Variants in PPP2R3A observed in about 807,000 individuals in gnomAD.
PPP2R3A encodes protein phosphatase 2 regulatory subunit B''alpha.
PPP2R3A carries 80 observed loss-of-function variants against 106.9 expected under a neutral mutation model. The observed-to-expected ratio is 0.75, with a 90% confidence interval of 0.62 to 0.90. PPP2R3A has a LOEUF of 0.90. Ranked by LOEUF, PPP2R3A falls within the 40% of genes least tolerant of loss-of-function variation. The pLI is 0.00. For synonymous variants in PPP2R3A, 483 were observed against 468.3 expected (o/e 1.03, Z -0.41); for missense variants, 1,386 against 1,350.4 (o/e 1.03, Z -0.41).
intron 5 of PPP2R3A, among the ~76,000 whole-genome samples, chr3:136,050,762 TC>T (rs985977565): frequency 1.3e-5 from 2 of 152,172 alleles, no homozygotes; most frequent in African/African-American, 4.8e-5. Flanking sequence ...GCTGCCATGT[TC>T]CCTTATGCTT....
chr3:136,145,551 C>G lies in PPP2R3A; in HGVS notation c.*385C>G, dbSNP rs1473032455. On this transcript the variant is annotated 3_prime_UTR_variant, in exon 14 of 14. Transcript: ENST00000264977. Reference sequence around the variant, plus strand: ...GGGCTCCTATGGAGCCTAGAAGAAACCTTCACTTGCAGAAAACTTGAGTCA... The same window carrying G: ...GGGCTCCTATGGAGCCTAGAAGAAAGCTTCACTTGCAGAAAACTTGAGTCA... The G allele has an allele frequency of 6.5e-6, 1 of 153,156 alleles. No homozygotes were observed. The highest frequency in any genetic ancestry group is 1.5e-5 in the Non-Finnish European group (1 of 68,484). The allele number at this position is 153,156 out of a possible 1,614,324, so 9.5% of individuals were successfully genotyped here.
chr3:136,146,614 AT>A lies in PPP2R3A; in HGVS notation c.*1452del, dbSNP rs1939136760. 1 of 152,208 alleles carries A rather than the reference AT, an allele frequency of 6.6e-6. No individual in the cohort carries two copies. Among genetic ancestry groups the A allele is most frequent in the South Asian group, 2.1e-4 (1 of 4,830 alleles). The allele number at this position is 152,208 out of a possible 1,614,324, so 9.4% of individuals were successfully genotyped here. A position where few individuals can be genotyped will look rare whatever the true frequency, so the allele number is the denominator to read the frequency against. ...TGTCACAAGCTCCCAGTTCCCTGTC[AT>A]TTTATCTTCATGATTAGAACTGATC... is the stretch of plus-strand genomic sequence containing the variant. On this transcript the variant is annotated 3_prime_UTR_variant, in exon 14 of 14. Transcript: ENST00000264977.
chr3:136,018,602 C>T (rs1463458590), intron 2 of PPP2R3A, among the ~76,000 whole-genome samples: 1 of 152,212 alleles, frequency 6.6e-6, no homozygotes. Context: ...TGTTGTGTTT[C>T]ACAGTTTTAT....
chr3:136,089,678 G>A (rs1207989970), intron 9 of PPP2R3A, among the ~76,000 whole-genome samples: 2 of 150,682 alleles, frequency 1.3e-5, no homozygotes, highest in African/African-American at 4.9e-5. Flanking sequence ...CATTGAATCT[G>A]TAGATTGCTT....
chr3:136,037,738 C>T (rs182646987), intron 3 of PPP2R3A, among the ~76,000 whole-genome samples: 3 of 152,326 alleles, frequency 2.0e-5, no homozygotes, highest in Admixed American at 2.0e-4. Context: ...TCATCCTCTC[C>T]TATGTGTATC....
At position 136,003,010 on chromosome 3, in the gene PPP2R3A, T is replaced by C; in HGVS notation, c.1512T>C (p.Ser504=). The C allele has an allele frequency of 3.1e-6, 5 of 1,613,632 alleles. No individual in the cohort carries two copies. Among genetic ancestry groups the C allele is most frequent in the Non-Finnish European group, 4.2e-6 (5 of 1,179,756 alleles). ...ACCAGAGAGATTTTACAAATTCCAG[T>C]AGCCAGGAAGAGATAGATAAATTGT... The part of the protein sequence containing the change: ...EGDQRDFTNS[S]SQEEIDKLLM... The change falls in exon 2 of 14, where the codon AGT becomes AGC. Residue 504 remains serine (S), a synonymous_variant. Transcript: ENST00000264977.
intron 5 of PPP2R3A, among the ~76,000 whole-genome samples, chr3:136,063,935 A>G: frequency 6.6e-6 from 1 of 150,426 alleles, no homozygotes; most frequent in Non-Finnish European, 1.5e-5. Context: ...CCAAAGGATT[A>G]TAAATCATGC....
chr3:136,003,324 A>C lies in PPP2R3A; in HGVS notation c.1826A>C (p.Lys609Thr). ...EDFAQELVEC[K>T]SSRGSLSQEK... ...TTTGCTCAAGAACTAGTTGAATGCA[A>C]ATCAAGCAGAGGGAGCCTATCACAA... Residue 609 changes from lysine (K) to threonine (T), a missense_variant, in exon 2 of 14, where the codon AAA becomes ACA. Transcript: ENST00000264977. 1 of 1,614,008 alleles carries C rather than the reference A, an allele frequency of 6.2e-7. No homozygotes were observed. The highest frequency in any genetic ancestry group is 1.1e-5 in the South Asian group (1 of 91,074).
intron 13 of PPP2R3A, among the ~76,000 whole-genome samples, chr3:136,111,470 T>C (rs1214351892): frequency 6.6e-6 from 1 of 152,186 alleles, no homozygotes; most frequent in Non-Finnish European, 1.5e-5. Flanking sequence ...AGCATTCTTC[T>C]GGTGGCAAGT....
At chr3:136,130,245 A>C (rs994109224) in intron 13 of PPP2R3A, among the ~76,000 whole-genome samples, 16 of 152,220 alleles carry the variant, frequency 1.1e-4, no homozygotes, top group Non-Finnish European at 2.2e-4. Flanking sequence ...TGCAGATGCC[A>C]TGATTGTATA....
At chr3:135,993,312 C>T (rs1269759684) in intron 1 of PPP2R3A, among the ~76,000 whole-genome samples, 2 of 152,092 alleles carry the variant, frequency 1.3e-5, no homozygotes, top group Non-Finnish European at 2.9e-5. Context: ...TGAAAAAATA[C>T]TCAACATCAT....
intron 10 of PPP2R3A, among the ~76,000 whole-genome samples, chr3:136,092,341 T>C (rs1353009229): frequency 6.6e-6 from 1 of 151,998 alleles, no homozygotes; most frequent in African/African-American, 2.4e-5. Context: ...CAAAAAAATA[T>C]ATATATTAAA....
chr3:136,101,379 A>G (rs780077148), intron 10 of PPP2R3A, among the ~76,000 whole-genome samples: 9 of 152,216 alleles, frequency 5.9e-5, no homozygotes, highest in Non-Finnish European at 1.0e-4. Flanking sequence ...CTAAAGTTCA[A>G]CTTTCATAAT....
At chr3:136,079,406 ATTTTT>A (rs199806582) in intron 7 of PPP2R3A, 18 of 156,956 alleles carry the variant, frequency 1.1e-4, no homozygotes, top group Admixed American at 2.7e-4. Context: ...ATAATCCATA[ATTTTT>A]TTTTTTTTTT....
intron 10 of PPP2R3A, among the ~76,000 whole-genome samples, chr3:136,100,458 T>C (rs892462055): frequency 4.0e-5 from 6 of 151,652 alleles, no homozygotes; most frequent in Admixed American, 3.9e-4. Context: ...GCAGATCACC[T>C]GAGGTCAGAA....
At chr3:136,140,639 T>G (rs916520767) in intron 13 of PPP2R3A, among the ~76,000 whole-genome samples, 42 of 151,698 alleles carry the variant, frequency 2.8e-4, no homozygotes, top group African/African-American at 9.2e-4. Context: ...TCGCAGCTAC[T>G]TGGGAGGCTG....
At chr3:136,101,719 C>T (rs112556187) in intron 10 of PPP2R3A, among the ~76,000 whole-genome samples, 7 of 152,078 alleles carry the variant, frequency 4.6e-5, no homozygotes, top group East Asian at 3.9e-4. Context: ...AGCCACCGTG[C>T]CCAGCCTCTA....
chr3:136,028,057 T>C (rs2107824806), intron 3 of PPP2R3A, among the ~76,000 whole-genome samples: 1 of 152,324 alleles, frequency 6.6e-6, no homozygotes, highest in South Asian at 2.1e-4. Context: ...CTTTCCAAAC[T>C]TGCCTAAAAT....
chr3:136,015,071 A>G (rs993389040), intron 2 of PPP2R3A, among the ~76,000 whole-genome samples: 1 of 152,100 alleles, frequency 6.6e-6, no homozygotes, highest in Non-Finnish European at 1.5e-5. Context: ...TCCCGCATCT[A>G]TTTGAAATGA....
Sources: allele counts gnomAD v4.1 joint callset (sites outside exome capture counted in the v4.1 genomes callset), GRCh38; gene constraint gnomAD v4.1.1; transcripts MANE v1.5; gene names NCBI Gene and HGNC (gene_info 2026-07-23, HGNC 2026-07-21).